PTPRD: variants seen among roughly 807,000 people sequenced by gnomAD.
The protein encoded by PTPRD is protein tyrosine phosphatase receptor type D, also known as receptor-type tyrosine-protein phosphatase delta.
PTPRD carries 34 observed loss-of-function variants against 214.5 expected under a neutral mutation model. That is an observed-to-expected ratio of 0.16 (90% CI 0.12 to 0.21). The LOEUF (loss-of-function observed/expected upper bound fraction) is 0.21, where lower values mean the gene tolerates loss of function less well. Ranked by LOEUF, PTPRD falls within the 10% of genes least tolerant of loss-of-function variation. The pLI is 1.00. For missense variants in PTPRD, 2,545 were observed against 2,398.7 expected (o/e 1.06, Z -1.27); for synonymous variants, 1,128 against 845.7 (o/e 1.33, Z -5.79).
intron 11 of PTPRD, among the ~76,000 whole-genome samples, chr9:8,753,863 G>T (rs747615020): frequency 6.6e-6 from 1 of 152,134 alleles, no homozygotes; most frequent in Non-Finnish European, 1.5e-5. Flanking sequence ...CATTATTGTA[G>T]GCCAGGCATG....
chr9:9,247,215 G>A (rs2099973440), intron 9 of PTPRD, among the ~76,000 whole-genome samples: 1 of 151,874 alleles, frequency 6.6e-6, no homozygotes, highest in African/African-American at 2.4e-5. Flanking sequence ...CCCTATACCT[G>A]GGAAGAAGGA....
intron 8 of PTPRD, among the ~76,000 whole-genome samples, chr9:9,487,945 T>C (rs1362035196): frequency 6.6e-6 from 1 of 152,176 alleles, no homozygotes; most frequent in Non-Finnish European, 1.5e-5. Flanking sequence ...CTTGTCAAAA[T>C]AATAGCTTGA....
intron 7 of PTPRD, among the ~76,000 whole-genome samples, chr9:9,726,152 T>C (rs1019881648): frequency 2.6e-5 from 4 of 152,186 alleles, no homozygotes; most frequent in Non-Finnish European, 4.4e-5. Context: ...GAAAATGTTA[T>C]CCCATAATTA....
intron 2 of PTPRD, among the ~76,000 whole-genome samples, chr9:10,497,792 C>T (rs1312616960): frequency 1.3e-5 from 2 of 151,892 alleles, no homozygotes; most frequent in African/African-American, 4.8e-5. Context: ...TTATGTTTAT[C>T]TTCTACTTTT....
intron 3 of PTPRD, among the ~76,000 whole-genome samples, chr9:10,162,337 A>C (rs575544200): frequency 6.6e-6 from 1 of 151,764 alleles, no homozygotes; most frequent in East Asian, 1.9e-4. Context: ...AATGTGATAT[A>C]TATACACAAT....
chr9:9,470,639 G>A (rs2094523405), intron 8 of PTPRD, among the ~76,000 whole-genome samples: 1 of 152,156 alleles, frequency 6.6e-6, no homozygotes, highest in Non-Finnish European at 1.5e-5. Flanking sequence ...TGATTGGACT[G>A]AAGTATATGG....
At chr9:9,641,204 T>A (rs546667699) in intron 7 of PTPRD, among the ~76,000 whole-genome samples, 2 of 152,338 alleles carry the variant, frequency 1.3e-5, no homozygotes, top group East Asian at 3.9e-4. Flanking sequence ...TTTCATTTCA[T>A]CAAAATCATG....
intron 12 of PTPRD, among the ~76,000 whole-genome samples, chr9:8,727,125 A>T (rs1340291496): frequency 6.6e-6 from 1 of 152,196 alleles, no homozygotes; most frequent in African/African-American, 2.4e-5. Context: ...AATAATAAGA[A>T]TTAGTTCACA....
intron 26 of PTPRD, among the ~76,000 whole-genome samples, chr9:8,493,364 A>G (rs2136333117): frequency 6.6e-6 from 1 of 152,348 alleles, no homozygotes. Context: ...TATGAGTTAT[A>G]TCAGGTAAAC....
chr9:10,154,020 G>C (rs1369519616), intron 3 of PTPRD, among the ~76,000 whole-genome samples: 1 of 151,946 alleles, frequency 6.6e-6, no homozygotes, highest in African/African-American at 2.4e-5. Context: ...TTGCTGGGTG[G>C]AATGGTAGTT....
chr9:9,338,698 C>G (rs971005274), intron 9 of PTPRD, among the ~76,000 whole-genome samples: 7 of 151,996 alleles, frequency 4.6e-5, no homozygotes, highest in African/African-American at 1.4e-4. Flanking sequence ...TTTCCAATTT[C>G]TTTTCTATTA....
intron 2 of PTPRD, among the ~76,000 whole-genome samples, chr9:10,388,751 G>C (rs1056250201): frequency 6.6e-6 from 1 of 151,760 alleles, no homozygotes; most frequent in Non-Finnish European, 1.5e-5. Flanking sequence ...TGATAAGTTA[G>C]TTTCTTCCTC....
At chr9:10,527,186 C>A (rs1050089643) in intron 2 of PTPRD, among the ~76,000 whole-genome samples, 3 of 152,104 alleles carry the variant, frequency 2.0e-5, no homozygotes, top group Non-Finnish European at 2.9e-5. Context: ...TGATTTCAGG[C>A]TTTGCCATTT....
intron 2 of PTPRD, among the ~76,000 whole-genome samples, chr9:10,350,055 C>T (rs2097156347): frequency 6.6e-6 from 1 of 152,168 alleles, no homozygotes; most frequent in African/African-American, 2.4e-5. Flanking sequence ...AATATAAGTT[C>T]ACAGACTAGA....
At chr9:9,230,222 G>C (rs144569169) in intron 9 of PTPRD, among the ~76,000 whole-genome samples, 2 of 152,064 alleles carry the variant, frequency 1.3e-5, no homozygotes, top group Non-Finnish European at 2.9e-5. Context: ...GGGGCGGTTC[G>C]ACAGAAAGAC....
At chr9:9,828,966 T>C (rs1387244530) in intron 5 of PTPRD, among the ~76,000 whole-genome samples, 1 of 151,956 alleles carries the variant, frequency 6.6e-6, no homozygotes, top group Non-Finnish European at 1.5e-5. Flanking sequence ...AAGGAAACAT[T>C]ATCTTGCAGA....
intron 14 of PTPRD, among the ~76,000 whole-genome samples, chr9:8,548,576 T>C (rs1230358405): frequency 2.7e-5 from 4 of 150,848 alleles, no homozygotes; most frequent in Non-Finnish European, 5.9e-5. Flanking sequence ...CCATGTTGGC[T>C]AGGCTGTTCT....
chr9:10,079,880 G>C (rs945616850), intron 3 of PTPRD, among the ~76,000 whole-genome samples: 1 of 151,074 alleles, frequency 6.6e-6, no homozygotes, highest in Non-Finnish European at 1.5e-5. Flanking sequence ...ATGAATAATT[G>C]TCAGCAAATA....
At chr9:9,101,330 A>G (rs534558960) in intron 10 of PTPRD, among the ~76,000 whole-genome samples, 73 of 152,262 alleles carry the variant, frequency 4.8e-4, no homozygotes, top group Admixed American at 1.2e-3. Flanking sequence ...TATTTTTAAG[A>G]AGACAGAACA....
Sources: gnomAD v4.1 joint callset for allele counts (sites outside exome capture counted in the v4.1 genomes callset) on GRCh38, gnomAD v4.1.1 for gene constraint, MANE v1.5 for transcripts, NCBI Gene and HGNC (gene_info 2026-07-23, HGNC 2026-07-21) for gene names.